The following LOXL2 variants were observed in gnomAD, a reference collection of about 807,000 sequenced individuals.
LOXL2 encodes the protein lysyl oxidase like 2.
In LOXL2, 70 loss-of-function variants were observed where a neutral mutation model predicts 93.0. The ratio of observed to expected loss-of-function variants is 0.75; its 90% CI spans 0.62 to 0.92. LOXL2 has a LOEUF of 0.92. Ranked by LOEUF, LOXL2 falls within the 40% of genes least tolerant of loss-of-function variation. LOXL2 has a pLI of 0.00. For missense variants in LOXL2, 973 were observed against 1,054.9 expected (o/e 0.92, Z 1.08); for synonymous variants, 438 against 413.2 (o/e 1.06, Z -0.73).
Position 23,328,391 on chromosome 8 carries a change from G to A in LOXL2, c.1141C>T (p.Leu381=). 6.2e-7 allele frequency: 1 copy of A among 1,613,924 alleles called. No homozygotes were observed. Among genetic ancestry groups the A allele is most frequent in the Non-Finnish European group, 8.5e-7 (1 of 1,180,006 alleles). The change falls in exon 6 of 14, where the codon CTG becomes TTG. Residue 381 remains leucine (L), a synonymous_variant. Coordinates refer to ENST00000389131, the MANE Select transcript of LOXL2 (RefSeq NM_002318.3). ...SAKEAVTGSR[L]GQGIGPIHLN... is the part of the protein sequence containing the mutation. The stretch of plus-strand genomic sequence containing the variant: ...CCTCCCCATTCCTTACCTTGCCCCA[G>A]TCGGGAGCCAGTGACTGCCTCTTTG...
chr8:23,372,221 C>CT (rs71210611), intron 1 of LOXL2, among the ~76,000 whole-genome samples: 84,824 of 145,250 alleles, frequency 0.58, 25,413 homozygotes, highest in African/African-American at 0.74. Flanking sequence ...ATTTCTTTTT[C>CT]TTTTTTTTTT....
intron 1 of LOXL2, among the ~76,000 whole-genome samples, chr8:23,383,916 T>G (rs1157198165): frequency 6.6e-6 from 1 of 152,070 alleles, no homozygotes. Context: ...CGCCTCGGCC[T>G]CCCAAAGTGC....
intron 3 of LOXL2, among the ~76,000 whole-genome samples, chr8:23,356,032 G>A (rs1410486635): frequency 6.6e-6 from 1 of 152,000 alleles, no homozygotes; most frequent in African/African-American, 2.4e-5. Flanking sequence ...TTACAGCTTG[G>A]GCCCATTATT....
intron 3 of LOXL2, among the ~76,000 whole-genome samples, chr8:23,351,618 T>A (rs1179728853): frequency 1.3e-5 from 2 of 152,244 alleles, no homozygotes; most frequent in African/African-American, 4.8e-5. Context: ...AGAGTTATAA[T>A]GGTATTTATA....
rs551199258 is a variant in LOXL2 at position 23,327,530 on chromosome 8, G to A, written c.1150+852C>T. Reference sequence around the variant, plus strand: ...CTATCCCTTCCCAGCCATAGCAGCCGACGGTCTGCAGCGGCCTCCCTGCTG... The same window carrying A: ...CTATCCCTTCCCAGCCATAGCAGCCAACGGTCTGCAGCGGCCTCCCTGCTG... On this transcript the variant is annotated intron_variant, in intron 6 of 13. Transcript: ENST00000389131. Among the ~76,000 whole-genome samples the A allele has an allele frequency of 7.3e-4, 111 of 152,150 alleles. 1 individual carries two copies. Among genetic ancestry groups the A allele is most frequent in the African/African-American group, 2.6e-3 (106 of 41,520 alleles).
At chr8:23,316,047 G>A (rs1481875930) in intron 9 of LOXL2, among the ~76,000 whole-genome samples, 3 of 152,204 alleles carry the variant, frequency 2.0e-5, no homozygotes, top group African/African-American at 7.2e-5. Context: ...GCCCAGCGAA[G>A]CCTGCCCTGA....
Position 23,298,823 on chromosome 8 carries a change from G to A in LOXL2, c.2245+13C>T, listed in dbSNP as rs570267012. On this transcript the variant is annotated intron_variant, in intron 13 of 13. Transcript: ENST00000389131. The stretch of plus-strand genomic sequence containing the variant: ...CCCGCCTGCTTCCTGGAGTGGGGGC[G>A]GCCTGGCCTTACCTATGTGGCAGTT... 6 of 1,562,782 alleles carry A rather than the reference G, an allele frequency of 3.8e-6. No homozygotes were observed. Among genetic ancestry groups the A allele is most frequent in the South Asian group, 1.1e-5 (1 of 90,102 alleles).
intron 3 of LOXL2, among the ~76,000 whole-genome samples, chr8:23,343,975 C>T (rs1044067801): frequency 1.3e-5 from 2 of 152,224 alleles, no homozygotes; most frequent in African/African-American, 2.4e-5. Context: ...GCAGGCGGCC[C>T]GGGCTGACCT....
intron 2 of LOXL2, among the ~76,000 whole-genome samples, chr8:23,362,966 C>A (rs1459239575): frequency 6.6e-6 from 1 of 152,162 alleles, no homozygotes; most frequent in African/African-American, 2.4e-5. Context: ...CTGCCACACA[C>A]TGGGGCACTG....
chr8:23,306,643 C>G (rs963940276), intron 10 of LOXL2, among the ~76,000 whole-genome samples: 1 of 152,244 alleles, frequency 6.6e-6, no homozygotes, highest in African/African-American at 2.4e-5. Context: ...GGGAGTCTCT[C>G]CTCTTTGCAG....
At chr8:23,374,758 G>C (rs1445348011) in intron 1 of LOXL2, among the ~76,000 whole-genome samples, 2 of 152,216 alleles carry the variant, frequency 1.3e-5, no homozygotes, top group Non-Finnish European at 2.9e-5. Context: ...CTTTTGAGAA[G>C]TGTCTGTTCA....
At chr8:23,316,796 T>A in intron 9 of LOXL2, 153 bp downstream of exon 9, 1 of 747,468 alleles carries the variant, frequency 1.3e-6, no homozygotes, top group Non-Finnish European at 2.1e-6. Context: ...GTGGCGGTCA[T>A]CTCTCTTGCC....
intron 1 of LOXL2, among the ~76,000 whole-genome samples, chr8:23,391,788 C>A (rs1385216193): frequency 6.6e-6 from 1 of 152,064 alleles, no homozygotes; most frequent in South Asian, 2.1e-4. Context: ...TTGGCCTAGG[C>A]ACAGACACTG....
intron 1 of LOXL2, among the ~76,000 whole-genome samples, chr8:23,394,427 C>A (rs1380121133): frequency 6.6e-6 from 1 of 150,476 alleles, no homozygotes; most frequent in Non-Finnish European, 1.5e-5. Flanking sequence ...ACAACCAACC[C>A]AATTAAAAAT....
At chr8:23,344,000 C>A (rs78775500) in intron 3 of LOXL2, among the ~76,000 whole-genome samples, 12,983 of 152,314 alleles carry the variant, frequency 0.085, 736 homozygotes, top group East Asian at 0.13. Context: ...TTCACAGATC[C>A]TTTCCCCTGC....
chr8:23,299,709 C>A (rs1803096280), intron 12 of LOXL2, among the ~76,000 whole-genome samples: 1 of 152,182 alleles, frequency 6.6e-6, no homozygotes. Context: ...GATGACAGGC[C>A]TTCCCTCGAG....
intron 1 of LOXL2, among the ~76,000 whole-genome samples, chr8:23,400,016 C>T (rs909247223): frequency 6.6e-6 from 1 of 152,208 alleles, no homozygotes; most frequent in Non-Finnish European, 1.5e-5. Context: ...AAGCAACAAG[C>T]GTAACAGCAG....
intron 9 of LOXL2, among the ~76,000 whole-genome samples, chr8:23,315,295 A>G (rs1227550067): frequency 3.3e-5 from 5 of 151,496 alleles, no homozygotes; most frequent in African/African-American, 1.2e-4. Flanking sequence ...TAGCATATGC[A>G]GTTGGTGGGG....
At chr8:23,348,606 G>A (rs1324426631) in intron 3 of LOXL2, among the ~76,000 whole-genome samples, 4 of 151,996 alleles carry the variant, frequency 2.6e-5, no homozygotes, top group South Asian at 2.1e-4. Context: ...GGCCGGGTGC[G>A]GTGGCTCACG....
Sources: allele counts gnomAD v4.1 joint callset (sites outside exome capture counted in the v4.1 genomes callset), GRCh38; gene constraint gnomAD v4.1.1; transcripts MANE v1.5; gene names NCBI Gene and HGNC (gene_info 2026-07-23, HGNC 2026-07-21).